Variants in KCNQ5 observed in about 807,000 individuals in gnomAD.
KCNQ5 encodes the protein potassium voltage-gated channel subfamily KQT member 5.
In KCNQ5, 30 loss-of-function variants were observed where a neutral mutation model predicts 98.2. That is an observed-to-expected ratio of 0.31 (90% CI 0.23 to 0.41). The LOEUF (loss-of-function observed/expected upper bound fraction) is 0.41. Among genes scored for constraint, KCNQ5 ranks in the 10% least tolerant of loss-of-function variants. KCNQ5 has a pLI of 1.00. For missense variants in KCNQ5, 835 were observed against 1,182.5 expected, an observed-to-expected ratio of 0.71 and a Z score of 4.31; for synonymous variants, 458 against 449.4, an observed-to-expected ratio of 1.02 and a Z score of -0.24.
At chr6:72,953,902 C>T (rs1253589093) in intron 1 of KCNQ5, among the ~76,000 whole-genome samples, 2 of 152,136 alleles carry the variant, frequency 1.3e-5, no homozygotes, top group Non-Finnish European at 2.9e-5. Flanking sequence ...CAATATTTCA[C>T]TCACAATCAT....
chr6:73,037,690 A>T (rs1332927336), intron 2 of KCNQ5, among the ~76,000 whole-genome samples: 2 of 152,042 alleles, frequency 1.3e-5, no homozygotes, highest in Non-Finnish European at 2.9e-5. Flanking sequence ...CTAGTTCTGA[A>T]TTCTCTATTC....
At chr6:72,782,570 C>T (rs974576036) in intron 1 of KCNQ5, among the ~76,000 whole-genome samples, 3 of 152,136 alleles carry the variant, frequency 2.0e-5, no homozygotes, top group African/African-American at 4.8e-5. Flanking sequence ...ACACAGAACG[C>T]AGATCATAAG....
rs1244312283 is a variant in KCNQ5 at position 73,077,392 on chromosome 6, T to A, written c.687T>A (p.Ser229=). Residue 229 remains serine (S), a synonymous_variant, in exon 4 of 14, where the codon TCT becomes TCA. Transcript: ENST00000370398. ...CTCAGGGTAATATTTTTGCCACGTC[T>A]GCACTCAGAAGTCTCCGTTTCCTAC... ...AKTQGNIFAT[S]ALRSLRFLQI... The A allele has an allele frequency of 6.2e-7, 1 of 1,614,076 alleles. No individual in the cohort carries two copies. Among genetic ancestry groups the A allele is most frequent in the Non-Finnish European group, 8.5e-7 (1 of 1,180,014 alleles).
chr6:72,632,485 C>T (rs1406310773), intron 1 of KCNQ5, among the ~76,000 whole-genome samples: 1 of 151,848 alleles, frequency 6.6e-6, no homozygotes, highest in Non-Finnish European at 1.5e-5. Flanking sequence ...ATTTTAGAGA[C>T]GGGGGTACTT....
intron 1 of KCNQ5, among the ~76,000 whole-genome samples, chr6:72,944,373 A>T (rs1280377978): frequency 6.6e-6 from 1 of 152,198 alleles, no homozygotes; most frequent in African/African-American, 2.4e-5. Context: ...CAAACAAATC[A>T]AGGTCAATTC....
chr6:73,063,671 A>AGAT (rs1263542779), intron 3 of KCNQ5, among the ~76,000 whole-genome samples: 37 of 81,782 alleles, frequency 4.5e-4, no homozygotes, highest in African/African-American at 1.4e-3. Context: ...GATAGATGAT[A>AGAT]GATAGATAGA....
At chr6:72,672,943 A>C (rs1767208811) in intron 1 of KCNQ5, among the ~76,000 whole-genome samples, 1 of 152,210 alleles carries the variant, frequency 6.6e-6, no homozygotes, top group Non-Finnish European at 1.5e-5. Flanking sequence ...TAGGTAATCC[A>C]ATAATTGTCT....
intron 1 of KCNQ5, among the ~76,000 whole-genome samples, chr6:72,839,281 T>C (rs1776679527): frequency 6.6e-6 from 1 of 152,254 alleles, no homozygotes; most frequent in Non-Finnish European, 1.5e-5. Context: ...TTATTTTCTC[T>C]GAAGAGATTT....
chr6:72,797,447 G>A (rs1434649854), intron 1 of KCNQ5, among the ~76,000 whole-genome samples: 2 of 150,556 alleles, frequency 1.3e-5, no homozygotes, highest in Non-Finnish European at 2.9e-5. Flanking sequence ...CAAGGTTGCA[G>A]TGAGCAGTGA....
At chr6:73,157,575 C>A (rs1274836580) in intron 10 of KCNQ5, 6 of 763,416 alleles carry the variant, frequency 7.9e-6, no homozygotes, top group Admixed American at 1.8e-5. Flanking sequence ...AGGGAACCAG[C>A]GCACCTGGCA....
At chr6:73,152,857 A>G (rs1356015865) in intron 10 of KCNQ5, among the ~76,000 whole-genome samples, 1 of 152,170 alleles carries the variant, frequency 6.6e-6, no homozygotes, top group Non-Finnish European at 1.5e-5. Context: ...TAGAGGGAAA[A>G]GGTCTTACTA....
At chr6:72,979,747 G>A (rs1319563508) in intron 1 of KCNQ5, among the ~76,000 whole-genome samples, 4 of 152,142 alleles carry the variant, frequency 2.6e-5, no homozygotes, top group Non-Finnish European at 5.9e-5. Flanking sequence ...TGAAGTCCTC[G>A]CCTGTGCCTA....
chr6:73,146,031 A>G (rs767379101), intron 10 of KCNQ5, among the ~76,000 whole-genome samples: 1 of 152,184 alleles, frequency 6.6e-6, no homozygotes, highest in Non-Finnish European at 1.5e-5. Flanking sequence ...CCCTCCCCCA[A>G]CATTGGGAAT....
rs1329753054 is a variant in KCNQ5 at position 73,057,143 on chromosome 6, C to A, written c.616+15081C>A. Among the ~76,000 whole-genome samples the A allele has an allele frequency of 5.3e-5, 8 of 152,154 alleles. No individual in the cohort carries two copies. The East Asian group carries it at 1.5e-3, about 29-fold the overall frequency. The stretch of plus-strand genomic sequence containing the variant: ...CACGTATACACCATGGAATACTATG[C>A]AGCCATAAAAAAGGATGAGTTCATG... On this transcript the variant is annotated intron_variant, in intron 3 of 13. Transcript: ENST00000370398.
At chr6:73,004,053 A>G (rs1769712106) in intron 2 of KCNQ5, 55 bp downstream of exon 2, 5 of 951,712 alleles carry the variant, frequency 5.3e-6, no homozygotes, top group Non-Finnish European at 8.4e-6. Flanking sequence ...ACTGCCTATA[A>G]CATTTATACT....
chr6:72,698,163 C>T (rs1479994214), intron 1 of KCNQ5, among the ~76,000 whole-genome samples: 1 of 151,982 alleles, frequency 6.6e-6, no homozygotes, highest in Non-Finnish European at 1.5e-5. Flanking sequence ...ATTTTAAAAC[C>T]CAAATAGGTA....
At chr6:72,935,044 A>G (rs2150232950) in intron 1 of KCNQ5, among the ~76,000 whole-genome samples, 1 of 145,796 alleles carries the variant, frequency 6.9e-6, no homozygotes, top group Non-Finnish European at 1.5e-5. Context: ...AACTGAATCC[A>G]TATATTGGCC....
intron 11 of KCNQ5, among the ~76,000 whole-genome samples, chr6:73,183,517 G>A (rs904216683): frequency 1.3e-5 from 2 of 152,180 alleles, no homozygotes; most frequent in South Asian, 4.1e-4. Flanking sequence ...TCCAGCAGAT[G>A]GATAGTGGGT....
chr6:72,864,693 C>T (rs1024059991), intron 1 of KCNQ5, among the ~76,000 whole-genome samples: 3 of 151,842 alleles, frequency 2.0e-5, no homozygotes, highest in Non-Finnish European at 4.4e-5. Context: ...CACACAGGGT[C>T]CTAAAAGTCT....
Sources: allele counts gnomAD v4.1 joint callset (sites outside exome capture counted in the v4.1 genomes callset), GRCh38; gene constraint gnomAD v4.1.1; transcripts MANE v1.5; gene names NCBI Gene and HGNC (gene_info 2026-07-23, HGNC 2026-07-21).